RSRP1: variants seen among roughly 807,000 people sequenced by gnomAD.
RSRP1 encodes the protein arginine/serine-rich protein 1.
In RSRP1, 37 loss-of-function variants were observed where a neutral mutation model predicts 33.0. The observed-to-expected ratio is 1.12, with a 90% CI of 0.86 to 1.48. The LOEUF (loss-of-function observed/expected upper bound fraction) is 1.48. Among genes scored for constraint, RSRP1 ranks in the 40% most tolerant of loss-of-function variants. RSRP1 has a pLI of 0.00. For synonymous variants in RSRP1, 167 were observed against 158.7 expected (o/e 1.05, Z -0.40); for missense variants, 402 against 385.3 (o/e 1.04, Z -0.36).
Position 25,243,629 on chromosome 1 carries a change from G to T in RSRP1, c.677C>A (p.Ser226Ter). ...VSSNGAKPEL[S>*]EKVTEDGTRN... is the part of the protein sequence containing the mutation. ...AGTTCCATCTTCTGTTACCTTTTCC[G>T]ACAGCTAGACAGGTTAAGAAAAAGT... The change falls in exon 4 of 5, where the codon TCG becomes TAG. Residue 226 changes from serine to a stop codon, truncating the protein, a stop_gained. Coordinates refer to ENST00000243189, the MANE Select transcript of RSRP1 (RefSeq NM_020317.5). LOFTEE classifies it high-confidence loss of function. The T allele has an allele frequency of 1.2e-6, 2 of 1,613,392 alleles. No homozygotes were observed. Among genetic ancestry groups the T allele is most frequent in the South Asian group, 1.1e-5 (1 of 91,002 alleles).
At chr1:25,280,094 C>A (rs557016229) in intron 1 of RSRP1, among the ~76,000 whole-genome samples, 1 of 128,918 alleles carries the variant, frequency 7.8e-6, no homozygotes, top group African/African-American at 2.7e-5. Context: ...TATTTCCTGA[C>A]CAGTTTGGGG....
At chr1:25,261,287 T>C (rs1219495758) in intron 1 of RSRP1, among the ~76,000 whole-genome samples, 1 of 152,168 alleles carries the variant, frequency 6.6e-6, no homozygotes, top group African/African-American at 2.4e-5. Flanking sequence ...TAACGGACAA[T>C]ATATACAAAG....
intron 1 of RSRP1, among the ~76,000 whole-genome samples, chr1:25,268,761 A>T (rs1378106309): frequency 7.7e-6 from 1 of 129,276 alleles, no homozygotes; most frequent in Non-Finnish European, 1.8e-5. Flanking sequence ...CAGCCTGGCC[A>T]ACCTGGTGAA....
At chr1:25,276,762 T>C (rs1384267021) in intron 1 of RSRP1, among the ~76,000 whole-genome samples, 1 of 130,880 alleles carries the variant, frequency 7.6e-6, no homozygotes, top group East Asian at 2.0e-4. Flanking sequence ...ATAACAAATT[T>C]AAAAATATAA....
Position 25,286,676 on chromosome 1 carries a change from C to T in RSRP1, c.-66-39647G>A, listed in dbSNP as rs1237156255. Among the ~76,000 whole-genome samples, 3 of 134,030 alleles carry T rather than the reference C, an allele frequency of 2.2e-5. 1 individual carries two copies. Among genetic ancestry groups the T allele is most frequent in the African/African-American group, 7.8e-5 (3 of 38,538 alleles). 87.9% of individuals were successfully genotyped at this position (134,030 alleles called of 152,430 possible). A position where few individuals can be genotyped will look rare whatever the true frequency, so the allele number is the denominator to read the frequency against. ...TGGTGGGCGCCTGTAGTCCCAGCCA[C>T]TCGGGAGGCTGAGGCAGGAGAATGG... On this transcript the variant is annotated intron_variant, in intron 1 of 1. Coordinates refer to the RSRP1 transcript ENST00000561867.
rs567418237 is a variant in RSRP1 at position 25,246,883 on chromosome 1, G to C, written c.81C>G (p.Ser27=). 9 of 1,607,544 alleles carry C rather than the reference G, an allele frequency of 5.6e-6. No homozygotes were observed. The South Asian group carries it at 8.8e-5, about 16-fold the overall frequency. Residue 27 remains serine, a synonymous_variant, in exon 2 of 5, where the codon TCC becomes TCG. Coordinates refer to ENST00000243189, the MANE Select transcript of RSRP1 (RefSeq NM_020317.5). ...DSPSTSRSGG[S]SRLSSRSRSR... ...TCCTAGACCGCGACGACAGCCGGCTGGACCCGCCCGACCGCGAGGTCGAGG... is the reference window on the plus strand; with the variant it reads ...TCCTAGACCGCGACGACAGCCGGCTCGACCCGCCCGACCGCGAGGTCGAGG...
upstream of RSRP1, among the ~76,000 whole-genome samples, chr1:25,249,711 G>C (rs1639717323): frequency 6.6e-6 from 1 of 152,164 alleles, no homozygotes; most frequent in Admixed American, 6.5e-5. Flanking sequence ...GAATGCTGGT[G>C]TATTTGTCTC....
At chr1:25,252,110 C>T (rs1305768016), upstream of RSRP1, among the ~76,000 whole-genome samples, 2 of 152,022 alleles carry the variant, frequency 1.3e-5, no homozygotes, top group Non-Finnish European at 2.9e-5. Context: ...CTCACTCAGG[C>T]TGGAGTGCAG....
Position 25,295,851 on chromosome 1 carries a change from T to G in RSRP1, c.-67+42127A>C, listed in dbSNP as rs1418908077. 5.9e-3 allele frequency among the ~76,000 whole-genome samples: 203 copies of G among 34,140 alleles called. 42 individuals are homozygous for G. Among genetic ancestry groups the G allele is most frequent in the African/African-American group, 0.01 (137 of 13,050 alleles). 22.4% of individuals were successfully genotyped at this position (34,140 alleles called of 152,430 possible). A position where few individuals can be genotyped will look rare whatever the true frequency, so the allele number is the denominator to read the frequency against. ...ATGGTCTGGGAGGGAATATGGGAAA[T>G]TTTTTTTTTTTTTTTTTTTTTTTTT... On this transcript the variant is annotated intron_variant, in intron 1 of 1. Coordinates refer to the RSRP1 transcript ENST00000561867.
At chr1:25,321,444 T>G (rs1644695278) in intron 1 of RSRP1, among the ~76,000 whole-genome samples, 2 of 118,590 alleles carry the variant, frequency 1.7e-5, no homozygotes, top group South Asian at 5.2e-4. Flanking sequence ...GTGGATCACC[T>G]GAGGTCGGGA....
chr1:25,292,963 G>A lies in RSRP1; in HGVS notation c.-67+45015C>T, dbSNP rs1163319099. On this transcript the variant is annotated intron_variant, in intron 1 of 1. Transcript: ENST00000561867. ...GAAGCCCAGGAGAGCGTGAGGTCCTGGAAGGCAAGGAAAGAGAGGGCCCCA... is the reference window on the plus strand; with the variant it reads ...GAAGCCCAGGAGAGCGTGAGGTCCTAGAAGGCAAGGAAAGAGAGGGCCCCA... Among the ~76,000 whole-genome samples, 9 of 124,532 alleles carry A rather than the reference G, an allele frequency of 7.2e-5. 1 individual carries two copies. Among genetic ancestry groups the A allele is most frequent in the Admixed American group, 4.0e-4 (5 of 12,580 alleles). 81.7% of individuals were successfully genotyped at this position (124,532 alleles called of 152,430 possible).
chr1:25,315,765 G>A (rs1387497629), intron 1 of RSRP1, among the ~76,000 whole-genome samples: 1 of 129,908 alleles, frequency 7.7e-6, no homozygotes, highest in African/African-American at 2.7e-5. Context: ...CAAAGTGTGG[G>A]GATTACAGGT....
rs1266812461 is a variant in RSRP1 at position 25,271,167 on chromosome 1, T to C, written c.-66-24138A>G. 1.5e-5 allele frequency among the ~76,000 whole-genome samples: 2 copies of C among 132,582 alleles called. 1 individual carries two copies. The highest frequency in any genetic ancestry group is 3.6e-5 in the Non-Finnish European group (2 of 55,948). The allele number at this position is 132,582 out of a possible 152,430, so 87.0% of individuals were successfully genotyped here. A position where few individuals can be genotyped will look rare whatever the true frequency, so the allele number is the denominator to read the frequency against. On this transcript the variant is annotated intron_variant, in intron 1 of 1. Coordinates refer to the RSRP1 transcript ENST00000561867. Reference sequence around the variant, plus strand: ...TAGGTTAGTCTCAGTTTTTTCCTTCTGTAAATAAAGCTGCACTGAGCAAGA... The same window carrying C: ...TAGGTTAGTCTCAGTTTTTTCCTTCCGTAAATAAAGCTGCACTGAGCAAGA...
chr1:25,263,838 T>C (rs1640234448), intron 1 of RSRP1, among the ~76,000 whole-genome samples: 1 of 152,090 alleles, frequency 6.6e-6, no homozygotes, highest in Non-Finnish European at 1.5e-5. Flanking sequence ...AGCAAGTTAG[T>C]TACTTCCTAG....
chr1:25,318,273 T>A (rs1644512214), intron 1 of RSRP1: 1 of 125,170 alleles, frequency 8.0e-6, no homozygotes. Context: ...AGACTCTGTC[T>A]AAAAAAAAAG....
chr1:25,251,353 T>G (rs142699446), upstream of RSRP1, among the ~76,000 whole-genome samples: 2 of 152,170 alleles, frequency 1.3e-5, no homozygotes, highest in Non-Finnish European at 2.9e-5. Context: ...AAACATTCAG[T>G]ATAATTTATA....
Position 25,261,766 on chromosome 1 carries a change from C to T in RSRP1, c.-66-14737G>A, listed in dbSNP as rs185639794. ...TTGCTGTGTTGCCCAGCCTGGAGTG[C>T]AGTGTTATGATTTTGGCTCACTGCA... On this transcript the variant is annotated intron_variant, in intron 1 of 1. Coordinates refer to the RSRP1 transcript ENST00000561867. Among the ~76,000 whole-genome samples, 203 of 134,218 alleles carry T rather than the reference C, an allele frequency of 1.5e-3. 3 individuals are homozygous for T. The highest frequency in any genetic ancestry group is 9.2e-3 in the Admixed American group (108 of 11,756). The allele number at this position is 134,218 out of a possible 152,430, so 88.1% of individuals were successfully genotyped here.
At chr1:25,257,735 G>A (rs890250149) in intron 1 of RSRP1, among the ~76,000 whole-genome samples, 3 of 151,836 alleles carry the variant, frequency 2.0e-5, no homozygotes, top group Non-Finnish European at 4.4e-5. Context: ...AAGTAGCTGG[G>A]GCTACAGGCA....
At position 25,294,042 on chromosome 1, in the gene RSRP1, G is replaced by A. The variant is rs1201707542; in HGVS notation, c.-67+43936C>T. The A allele has an allele frequency of 2.6e-5, 16 of 608,238 alleles. 3 individuals are homozygous for A. The African/African-American group carries it at 2.7e-4, about 10-fold the overall frequency. The allele number at this position is 608,238 out of a possible 1,614,324, so 37.7% of individuals were successfully genotyped here. On this transcript the variant is annotated intron_variant, in intron 1 of 1. Coordinates refer to the RSRP1 transcript ENST00000561867. Reference sequence around the variant, plus strand: ...ATTCTGAAAATAATCTTGTGATTAAGAGAAGAAGGCTGTCCACCAATGGGC... The same window carrying A: ...ATTCTGAAAATAATCTTGTGATTAAAAGAAGAAGGCTGTCCACCAATGGGC...
Sources: allele counts gnomAD v4.1 joint callset (sites outside exome capture counted in the v4.1 genomes callset), GRCh38; gene constraint gnomAD v4.1.1; transcripts MANE v1.5; gene names NCBI Gene and HGNC (gene_info 2026-07-23, HGNC 2026-07-21).